DYNC2I2: variants seen among roughly 807,000 people sequenced by gnomAD.
The protein encoded by DYNC2I2 is cytoplasmic dynein 2 intermediate chain 2.
Under a neutral mutation model 52.0 loss-of-function variants are expected in DYNC2I2, and 39 were observed. That is an observed-to-expected ratio of 0.75 (90% CI 0.58 to 0.98). The LOEUF is 0.98. DYNC2I2 is among the 50% of genes least tolerant of loss of function. DYNC2I2 has a pLI of 0.00. For missense variants in DYNC2I2, 743 were observed against 728.4 expected, an observed-to-expected ratio of 1.02 and a Z score of -0.23; for synonymous variants, 359 against 321.1, an observed-to-expected ratio of 1.12 and a Z score of -1.26.
At chr9:128,648,631 CA>C (rs71381783) in intron 1 of DYNC2I2, among the ~76,000 whole-genome samples, 3,189 of 121,304 alleles carry the variant, frequency 0.026, 131 homozygotes, top group African/African-American at 0.096. Context: ...ACTAAAAATA[CA>C]AAAAAAAAAA....
In DYNC2I2 at chr9:128,636,415, G is replaced by T. The variant is rs142859913; in HGVS notation, c.569C>A (p.Thr190Lys). 3 of 1,608,170 alleles carry T rather than the reference G, an allele frequency of 1.9e-6. No homozygotes were observed. The highest frequency in any genetic ancestry group is 2.7e-5 in the African/African-American group (2 of 74,894). ...CCAGGCACACACGAAGGACTTAAGC[G>T]TGCTCCAGTCCCCATGGTCCAGCCT... ...YGRLDHGDWS[T>K]LKSFVCAWNL... is the part of the protein sequence containing the mutation. Residue 190 changes from threonine (T) to lysine (K), a missense_variant, in exon 4 of 9, where the codon ACG (threonine) becomes AAG (lysine). Coordinates refer to ENST00000372715, the MANE Select transcript of DYNC2I2 (RefSeq NM_052844.4).
In DYNC2I2 at chr9:128,656,618, GCCCTGGCCGCCCCGGC is replaced by G. The variant is rs1453148151; in HGVS notation, c.93_108del (p.Pro32ArgfsTer87). 6.0e-6 allele frequency: 9 copies of G among 1,496,704 alleles called. No homozygotes were observed. In the South Asian group the frequency reaches 6.3e-5, roughly 10 times the overall value. 92.7% of individuals were successfully genotyped at this position (1,496,704 alleles called of 1,614,324 possible). A position where few individuals can be genotyped will look rare whatever the true frequency, so the allele number is the denominator to read the frequency against. ...ACACCCAGGGTCTCGTCCTGCAGCG[GCCCTGGCCGCCCCGGC>G]CCCGGGCCGCTCGCAACCCCGACTG... On this transcript the variant is annotated frameshift_variant, in exon 1 of 9. Coordinates refer to ENST00000372715, the MANE Select transcript of DYNC2I2 (RefSeq NM_052844.4). LOFTEE classifies it high-confidence loss of function.
At chr9:128,634,563 G>T in intron 7 of DYNC2I2, 126 bp downstream of exon 7, 1 of 1,294,146 alleles carries the variant, frequency 7.7e-7, no homozygotes, top group South Asian at 1.5e-5. Context: ...CCAAAGACCT[G>T]AACACGGGTC....
the DYNC2I2 span, among the ~76,000 whole-genome samples, chr9:128,668,185 T>TCCTGA: frequency 1.3e-5 from 2 of 151,652 alleles, no homozygotes; most frequent in African/African-American, 4.8e-5. Context: ...GGTCTTGATC[T>TCCTGA]CCTGACCTTG....
intron 2 of DYNC2I2, among the ~76,000 whole-genome samples, chr9:128,637,617 A>AT (rs1482293849): frequency 4.6e-5 from 7 of 152,014 alleles, no homozygotes; most frequent in Non-Finnish European, 1.0e-4. Context: ...TAATTTTTAT[A>AT]TTTTTATCAG....
In DYNC2I2 at chr9:128,635,157, G is replaced by C; in HGVS notation, c.916C>G (p.Leu306Val). The change falls in exon 6 of 9, where the codon CTG becomes GTG. Residue 306 changes from leucine (L) to valine (V), a missense_variant. Transcript: ENST00000372715. Reference sequence around the variant, plus strand: ...AGGGCGAAGCCCTCTGTGAGCTGCAGCTGGCCTACCCCGATGCCCTGCCAG... The same window carrying C: ...AGGGCGAAGCCCTCTGTGAGCTGCACCTGGCCTACCCCGATGCCCTGCCAG... ...LLWQGIGVGQLQLTEGFALVM... is the reference protein window; with the variant it reads ...LLWQGIGVGQVQLTEGFALVM... 6.2e-7 allele frequency: 1 copy of C among 1,613,494 alleles called. No individual in the cohort carries two copies. The highest frequency in any genetic ancestry group is 1.7e-5 in the Admixed American group (1 of 60,018).
the DYNC2I2 span, among the ~76,000 whole-genome samples, chr9:128,670,124 A>G: frequency 7.2e-5 from 11 of 151,862 alleles, no homozygotes; most frequent in Non-Finnish European, 1.5e-4. Flanking sequence ...TGGGTTACAG[A>G]GTAAGACTCT....
At chr9:128,652,960 C>T (rs920262461) in intron 1 of DYNC2I2, among the ~76,000 whole-genome samples, 8 of 147,894 alleles carry the variant, frequency 5.4e-5, no homozygotes, top group African/African-American at 1.8e-4. Context: ...GGCACGGTGG[C>T]TCACACCTGT....
intron 1 of DYNC2I2, among the ~76,000 whole-genome samples, chr9:128,654,538 C>T (rs919812138): frequency 6.6e-6 from 1 of 152,018 alleles, no homozygotes; most frequent in African/African-American, 2.4e-5. Flanking sequence ...GACAGATTTG[C>T]CCTAGGGCCT....
At chr9:128,635,569 C>CAAA in intron 5 of DYNC2I2, 89 bp downstream of exon 5, 1 of 1,239,046 alleles carries the variant, frequency 8.1e-7, no homozygotes, top group Non-Finnish European at 1.1e-6. Flanking sequence ...GTCCAACTGC[C>CAAA]AACGCCCGGG....
At chr9:128,679,804 G>A in the DYNC2I2 span, among the ~76,000 whole-genome samples, 13 of 151,498 alleles carry the variant, frequency 8.6e-5, no homozygotes, top group East Asian at 1.4e-3. Context: ...CCATGATTGC[G>A]CCACTGCATT....
At chr9:128,682,388 T>G in the DYNC2I2 span, among the ~76,000 whole-genome samples, 1 of 151,936 alleles carries the variant, frequency 6.6e-6, no homozygotes, top group African/African-American at 2.4e-5. Flanking sequence ...ATAGTAAAAA[T>G]TCTTCTGGTC....
At chr9:128,668,524 T>TAA in the DYNC2I2 span, among the ~76,000 whole-genome samples, 6 of 123,360 alleles carry the variant, frequency 4.9e-5, no homozygotes, top group Admixed American at 8.6e-5. Flanking sequence ...GAGACCATTC[T>TAA]AAAAAAAAAA....
At chr9:128,678,722 A>G in the DYNC2I2 span, among the ~76,000 whole-genome samples, 1 of 151,706 alleles carries the variant, frequency 6.6e-6, no homozygotes, top group East Asian at 2.0e-4. Context: ...TCAGCCTCCC[A>G]GAGTGCTGGG....
Position 128,656,373 on chromosome 9 carries a change from G to A in DYNC2I2, c.186+168C>T, listed in dbSNP as rs1411989201. 2.6e-5 allele frequency among the ~76,000 whole-genome samples: 4 copies of A among 151,670 alleles called. No homozygotes were observed. In the East Asian group the frequency reaches 7.7e-4, roughly 29 times the overall value. ...AGTATCCTCTGGGTCAGTTTCTGTG[G>A]AATAAACTGTAAAGGCAAACGGTGG... On this transcript the variant is annotated intron_variant, in intron 1 of 8. Transcript: ENST00000372715.
At position 128,634,570 on chromosome 9, in the gene DYNC2I2, G is replaced by A. The variant is rs55760003; in HGVS notation, c.1214+119C>T. The A allele has an allele frequency of 1.1e-3, 1,470 of 1,295,858 alleles. 17 individuals are homozygous for A. The African/African-American group carries it at 0.019, about 17-fold the overall frequency. The allele number at this position is 1,295,858 out of a possible 1,614,324, so 80.3% of individuals were successfully genotyped here. A position where few individuals can be genotyped will look rare whatever the true frequency, so the allele number is the denominator to read the frequency against. On this transcript the variant is annotated intron_variant, in intron 7 of 8. Transcript: ENST00000372715. ...GCCAACCACCAAAGACCTGAACACG[G>A]GTCTCAGAGTGGGCAGAAGGCAAGC...
chr9:128,656,850 C>G (rs1860840254), upstream of DYNC2I2: 2 of 966,296 alleles, frequency 2.1e-6, no homozygotes, highest in African/African-American at 1.7e-5. Context: ...GCAGCGCCTC[C>G]TGCAAGACCT....
chr9:128,646,009 G>C (rs1860610935), intron 1 of DYNC2I2, among the ~76,000 whole-genome samples: 2 of 152,188 alleles, frequency 1.3e-5, no homozygotes, highest in Admixed American at 1.3e-4. Flanking sequence ...GGCTGAGAGA[G>C]GTGAGGAAGC....
chr9:128,634,260 C>G lies in DYNC2I2; in HGVS notation c.1338G>C (p.Val446=). 1 of 1,613,878 alleles carries G rather than the reference C, an allele frequency of 6.2e-7. No individual in the cohort carries two copies. The highest frequency in any genetic ancestry group is 8.5e-7 in the Non-Finnish European group (1 of 1,180,040). ...KYLFAVRWSP[V]RPLVFAAASG... is the part of the protein sequence containing the mutation. The stretch of plus-strand genomic sequence containing the variant: ...AGGCAGCTGCAAAAACCAAGGGCCG[C>G]ACTGGGGACCAGCGCACAGCAAACA... Residue 446 remains valine, a synonymous_variant, in exon 8 of 9, where the codon GTG becomes GTC. Coordinates refer to ENST00000372715, the MANE Select transcript of DYNC2I2 (RefSeq NM_052844.4).
Sources: gnomAD v4.1 joint callset for allele counts (sites outside exome capture counted in the v4.1 genomes callset) on GRCh38, gnomAD v4.1.1 for gene constraint, MANE v1.5 for transcripts, NCBI Gene and HGNC (gene_info 2026-07-23, HGNC 2026-07-21) for gene names.